Variants in SVIL observed in about 807,000 individuals in gnomAD.
The protein encoded by SVIL is supervillin.
SVIL carries 101 observed loss-of-function variants against 240.4 expected under a neutral mutation model. The ratio of observed to expected loss-of-function variants is 0.42; its 90% CI spans 0.36 to 0.50. SVIL has a LOEUF of 0.50. Among genes scored for constraint, SVIL ranks in the 20% least tolerant of loss-of-function variants. The pLI, the probability that SVIL is intolerant of heterozygous loss-of-function variation, is 0.01. For synonymous variants in SVIL, 999 were observed against 1,100.0 expected (o/e 0.91, Z 1.82); for missense variants, 2,512 against 2,818.7 (o/e 0.89, Z 2.46).
At chr10:29,496,376 G>A (rs540086924) in intron 18 of SVIL, 6 of 455,538 alleles carry the variant, frequency 1.3e-5, no homozygotes, top group South Asian at 9.3e-5. Flanking sequence ...TCACAGGGTG[G>A]GGAGGGAAAT....
intron 3 of SVIL, chr10:29,643,872 G>C (rs1245904582): frequency 4.7e-6 from 2 of 428,646 alleles, no homozygotes; most frequent in Non-Finnish European, 9.4e-6. Flanking sequence ...AACACAAAGA[G>C]AACTGCTGGC....
At chr10:29,722,139 G>A (rs558438933) in intron 1 of SVIL, among the ~76,000 whole-genome samples, 1 of 151,386 alleles carries the variant, frequency 6.6e-6, no homozygotes, top group Non-Finnish European at 1.5e-5. Flanking sequence ...TGGGGAGGCT[G>A]AGGCCAGAGA....
At chr10:29,478,110 C>A (rs1310839538) in intron 29 of SVIL, among the ~76,000 whole-genome samples, 2 of 152,146 alleles carry the variant, frequency 1.3e-5, no homozygotes, top group African/African-American at 4.8e-5. Flanking sequence ...TTAAAGTTCC[C>A]AGTTCCATTA....
chr10:29,601,327 TA>T (rs1365632617), intron 1 of SVIL, among the ~76,000 whole-genome samples: 2 of 152,208 alleles, frequency 1.3e-5, no homozygotes, highest in African/African-American at 4.8e-5. Flanking sequence ...TTATAAAGCT[TA>T]AAATGTGCTC....
At chr10:29,475,314 A>G (rs939340212) in intron 29 of SVIL, 1 of 152,228 alleles carries the variant, frequency 6.6e-6, no homozygotes, top group African/African-American at 2.4e-5. Flanking sequence ...TATAGGCCAA[A>G]TGGGCATTTT....
intron 1 of SVIL, among the ~76,000 whole-genome samples, chr10:29,613,804 C>T (rs1031459347): frequency 6.6e-6 from 1 of 152,222 alleles, no homozygotes; most frequent in African/African-American, 2.4e-5. Context: ...TTTGACATTG[C>T]AACCGGAAGA....
intron 1 of SVIL, among the ~76,000 whole-genome samples, chr10:29,577,879 A>G (rs1312640494): frequency 6.6e-6 from 1 of 152,250 alleles, no homozygotes; most frequent in Non-Finnish European, 1.5e-5. Flanking sequence ...AAAGATCTGT[A>G]TACTGAAAAC....
chr10:29,665,349 T>A (rs529567205), intron 2 of SVIL, among the ~76,000 whole-genome samples: 2 of 150,666 alleles, frequency 1.3e-5, no homozygotes, highest in African/African-American at 4.9e-5. Context: ...CTGAATCCCA[T>A]ACAGTTGCAA....
intron 2 of SVIL, among the ~76,000 whole-genome samples, chr10:29,676,232 T>G (rs192711096): frequency 6.6e-6 from 1 of 152,218 alleles, no homozygotes; most frequent in Non-Finnish European, 1.5e-5. Flanking sequence ...CTGGCAGTAC[T>G]GATTATCTCA....
chr10:29,461,734 T>G (rs1944283239), intron 36 of SVIL, among the ~76,000 whole-genome samples: 1 of 152,220 alleles, frequency 6.6e-6, no homozygotes, highest in African/African-American at 2.4e-5. Context: ...GAAGTTATGA[T>G]AAATGCCTCA....
At chr10:29,703,456 T>C (rs563115584) in intron 1 of SVIL, among the ~76,000 whole-genome samples, 1 of 152,312 alleles carries the variant, frequency 6.6e-6, no homozygotes, top group South Asian at 2.1e-4. Flanking sequence ...TTTCCACTCA[T>C]GTTCTGCTCA....
In SVIL at chr10:29,458,101, A is replaced by G; in HGVS notation, c.*146T>C. 1.3e-6 allele frequency: 1 copy of G among 763,254 alleles called. No individual in the cohort carries two copies. Among genetic ancestry groups the G allele is most frequent in the Non-Finnish European group, 2.1e-6 (1 of 474,914 alleles). 47.3% of individuals were successfully genotyped at this position (763,254 alleles called of 1,614,324 possible). ...TTTACAAAATACACAACTCCGGGAC[A>G]AGCAGTATCTTTAACAATGTCAGGT... On this transcript the variant is annotated 3_prime_UTR_variant, in exon 38 of 38. Coordinates refer to ENST00000355867, the MANE Select transcript of SVIL (RefSeq NM_021738.3).
chr10:29,500,147 G>A (rs900230300), intron 17 of SVIL, among the ~76,000 whole-genome samples: 12 of 152,136 alleles, frequency 7.9e-5, no homozygotes. Flanking sequence ...GACAGGAGCA[G>A]CGATGGAAGC....
rs1457120789 is a variant in SVIL at position 29,696,001 on chromosome 10, G to A, written c.-399-9350C>T. On this transcript the variant is annotated intron_variant, in intron 1 of 35. Transcript: ENST00000375400. ...TTTCCACGGTTTCCCTCTCATGCCG[G>A]GCCAAAGCTGGACTGTACTGCTGCC... Among the ~76,000 whole-genome samples, 4 of 149,114 alleles carry A rather than the reference G, an allele frequency of 2.7e-5. No homozygotes were observed. The East Asian group carries it at 6.2e-4, about 23-fold the overall frequency.
Position 29,481,668 on chromosome 10 carries a change from C to G in SVIL, c.5016G>C (p.Thr1672=), listed in dbSNP as rs545687072. ...CCAGAAACTTCTCTTTGAACAAAAT[C>G]GTCTCATTGTGTTCAGTAAGTCTCC... ...IFGRLTEHNE[T]ILFKEKFLDW... The change falls in exon 28 of 38, where the codon ACG becomes ACC. Residue 1672 remains threonine (T), a synonymous_variant. Transcript: ENST00000355867. 1.4e-5 allele frequency: 22 copies of G among 1,614,028 alleles called. No individual in the cohort carries two copies. The South Asian group carries it at 2.4e-4, about 18-fold the overall frequency.
At position 29,735,358 on chromosome 10, in the gene SVIL, C is replaced by A. The variant is rs1964840399; in HGVS notation, c.-400+393G>T. Among the ~76,000 whole-genome samples, 1 of 151,976 alleles carries A rather than the reference C, an allele frequency of 6.6e-6. No homozygotes were observed. On this transcript the variant is annotated intron_variant, in intron 1 of 35. Transcript: ENST00000375400. This position sits in a 1 kb window ranked among gnomAD's most constrained non-coding sequence, Gnocchi z 4.1. ...ATCACTGGCGCGCCACTCCCCGGGC[C>A]ACCCGCCTCCCCGCCATGCTCTCAG...
intron 1 of SVIL, among the ~76,000 whole-genome samples, chr10:29,700,067 AAAAC>A (rs1458490217): frequency 1.3e-5 from 2 of 152,250 alleles, no homozygotes; most frequent in Non-Finnish European, 2.9e-5. Context: ...CTAGAGAGTA[AAAAC>A]ATAGACGAAA....
chr10:29,681,183 CT>C (rs1169959686), intron 2 of SVIL, among the ~76,000 whole-genome samples: 1 of 151,828 alleles, frequency 6.6e-6, no homozygotes, highest in Non-Finnish European at 1.5e-5. Flanking sequence ...GAGGATGGCA[CT>C]GGGAGAAGGG....
chr10:29,486,652 G>C lies in SVIL; in HGVS notation c.4486-95C>G, dbSNP rs539080293. On this transcript the variant is annotated intron_variant, in intron 24 of 37. Transcript: ENST00000355867. ...ACCAGAGAGGAGAAACAGTGTGCCT[G>C]CAAGGAAAGCCTTGTGACCACGGGT... 60 of 1,465,670 alleles carry C rather than the reference G, an allele frequency of 4.1e-5. 1 individual carries two copies. In the South Asian group the frequency reaches 4.2e-4, roughly 10 times the overall value. The allele number at this position is 1,465,670 out of a possible 1,614,324, so 90.8% of individuals were successfully genotyped here.
Sources: allele counts gnomAD v4.1 joint callset (sites outside exome capture counted in the v4.1 genomes callset), GRCh38; gene constraint gnomAD v4.1.1; non-coding constraint Gnocchi (gnomAD v3.1); transcripts MANE v1.5; gene names NCBI Gene and HGNC (gene_info 2026-07-23, HGNC 2026-07-21).